The following ROR2 variants were observed in gnomAD, a reference collection of about 807,000 sequenced individuals.
ROR2 encodes ROR family WNT receptor 2, also known as tyrosine-protein kinase transmembrane receptor ROR2.
Under a neutral mutation model 74.9 loss-of-function variants are expected in ROR2, and 33 were observed. The observed-to-expected ratio is 0.44, with a 90% CI of 0.33 to 0.59. The LOEUF is 0.59. Among genes scored for constraint, ROR2 ranks in the 20% least tolerant of loss-of-function variants. The pLI, the probability that ROR2 is intolerant of heterozygous loss-of-function variation, is 0.02. For synonymous variants in ROR2, 586 were observed against 558.7 expected, an observed-to-expected ratio of 1.05 and a Z score of -0.69; for missense variants, 1,216 against 1,313.8, an observed-to-expected ratio of 0.93 and a Z score of 1.15.
At chr9:91,908,714 T>C (rs897677533) in intron 1 of ROR2, among the ~76,000 whole-genome samples, 3 of 151,674 alleles carry the variant, frequency 2.0e-5, no homozygotes, top group African/African-American at 7.2e-5. Context: ...ATTAATAACA[T>C]ATTTAAAAGA....
Position 91,733,313 on chromosome 9 carries a change from C to A in ROR2, c.746G>T (p.Arg249Leu). The stretch of plus-strand genomic sequence containing the variant: ...CTCGCACTCGTCGCGGCACAGCTCA[C>A]GCGGCTTGGGTGTCCGGGAGCGCGC... ...CDARSRTPKP[R>L]ELCRDECEVL... Residue 249 changes from arginine to leucine, a missense_variant, in exon 6 of 9, where the codon CGT (arginine) becomes CTT (leucine). Arg to Leu is a moderately radical substitution (Grantham distance 102). Transcript: ENST00000375708. The surrounding 1 kb of genome is among the most constrained non-coding windows in gnomAD (Gnocchi z 5.7). The A allele has an allele frequency of 1.2e-6, 2 of 1,612,788 alleles. No individual in the cohort carries two copies. Among genetic ancestry groups the A allele is most frequent in the Non-Finnish European group, 8.5e-7 (1 of 1,179,736 alleles).
chr9:91,808,805 AT>A (rs1000536531), intron 1 of ROR2, among the ~76,000 whole-genome samples: 37 of 142,698 alleles, frequency 2.6e-4, no homozygotes, highest in East Asian at 1.2e-3. Context: ...AAATATACAT[AT>A]TTTTTTTTAC....
chr9:91,740,561 G>T (rs1022321534), intron 4 of ROR2, among the ~76,000 whole-genome samples: 1 of 145,022 alleles, frequency 6.9e-6, no homozygotes, highest in Non-Finnish European at 1.5e-5. Context: ...CGGGCGGGGG[G>T]GGGAATATAT....
intron 7 of ROR2, 126 bp from the exon 8 acceptor site, chr9:91,726,869 A>G (rs947997472): frequency 2.3e-6 from 2 of 862,796 alleles, no homozygotes; most frequent in Admixed American, 4.0e-5. Context: ...CCTAAGTTAC[A>G]CAATGGGGTA....
chr9:91,727,729 A>T (rs928991970), intron 7 of ROR2, among the ~76,000 whole-genome samples: 12 of 152,328 alleles, frequency 7.9e-5, no homozygotes, highest in African/African-American at 2.9e-4. Flanking sequence ...TATCAGACTT[A>T]GAGGGCCCCA....
chr9:91,848,764 G>GAAAAAAA (rs36044426), intron 1 of ROR2, among the ~76,000 whole-genome samples: 11 of 103,764 alleles, frequency 1.1e-4, no homozygotes, highest in African/African-American at 2.6e-4. Context: ...CAGGGGGGAA[G>GAAAAAAA]AAAAAAAAAA....
At chr9:91,856,227 G>A (rs564051509) in intron 1 of ROR2, among the ~76,000 whole-genome samples, 2 of 152,242 alleles carry the variant, frequency 1.3e-5, no homozygotes, top group Non-Finnish European at 2.9e-5. Flanking sequence ...ATGGTGGTGT[G>A]TGCCTGTAGT....
At chr9:91,949,195 T>G (rs1832099986) in intron 1 of ROR2, among the ~76,000 whole-genome samples, 1 of 150,762 alleles carries the variant, frequency 6.6e-6, no homozygotes, top group Non-Finnish European at 1.5e-5. Context: ...ACCATTTCAA[T>G]CCAGATCACA....
chr9:91,915,414 C>G (rs1345204832), intron 1 of ROR2, among the ~76,000 whole-genome samples: 1 of 152,100 alleles, frequency 6.6e-6, no homozygotes, highest in African/African-American at 2.4e-5. Context: ...AAGCTGCGGA[C>G]CTTCACAGTG....
intron 1 of ROR2, among the ~76,000 whole-genome samples, chr9:91,847,474 C>G (rs1382952001): frequency 3.3e-5 from 5 of 152,222 alleles, no homozygotes; most frequent in Non-Finnish European, 5.9e-5. Flanking sequence ...TATACTCCCC[C>G]AGAAAGGGCT....
At chr9:91,764,841 T>C (rs747218085) in intron 2 of ROR2, among the ~76,000 whole-genome samples, 4 of 152,168 alleles carry the variant, frequency 2.6e-5, no homozygotes, top group African/African-American at 7.2e-5. Context: ...ACGTGAATGA[T>C]AGTTTCGTTG....
At position 91,733,882 on chromosome 9, in the gene ROR2, G is replaced by A. The variant is rs1397306285; in HGVS notation, c.623-446C>T. 2.0e-5 allele frequency among the ~76,000 whole-genome samples: 3 copies of A among 152,164 alleles called. No individual in the cohort carries two copies. The highest frequency in any genetic ancestry group is 4.4e-5 in the Non-Finnish European group (3 of 68,034). Reference sequence around the variant, plus strand: ...CTTCCCAATGTCCCAGATCTGTCTGGGGAGAAGGCTGTCCCGGAAGAGGGA... The same window carrying A: ...CTTCCCAATGTCCCAGATCTGTCTGAGGAGAAGGCTGTCCCGGAAGAGGGA... On this transcript the variant is annotated intron_variant, in intron 5 of 8. Coordinates refer to ENST00000375708, the MANE Select transcript of ROR2 (RefSeq NM_004560.4). This position sits in a 1 kb window ranked among gnomAD's most constrained non-coding sequence, Gnocchi z 5.7.
chr9:91,930,350 C>G (rs879456143), intron 1 of ROR2, among the ~76,000 whole-genome samples: 2 of 152,220 alleles, frequency 1.3e-5, no homozygotes, highest in African/African-American at 2.4e-5. Flanking sequence ...CTTCTTTCCA[C>G]GCATTTACCC....
intron 5 of ROR2, among the ~76,000 whole-genome samples, chr9:91,734,609 G>A (rs1057302298): frequency 2.6e-5 from 4 of 152,166 alleles, no homozygotes; most frequent in African/African-American, 4.8e-5. Context: ...ACCCAGGAAC[G>A]GGATGGGCAG....
chr9:91,893,806 C>T (rs745945168), intron 1 of ROR2, among the ~76,000 whole-genome samples: 1 of 152,176 alleles, frequency 6.6e-6, no homozygotes, highest in Non-Finnish European at 1.5e-5. Flanking sequence ...CCACACTCTC[C>T]TGCCATTTCG....
intron 1 of ROR2, among the ~76,000 whole-genome samples, chr9:91,892,217 C>T (rs1409249947): frequency 6.6e-6 from 1 of 152,228 alleles, no homozygotes; most frequent in African/African-American, 2.4e-5. Flanking sequence ...CCACACAACA[C>T]AACCTAGTGA....
intron 1 of ROR2, among the ~76,000 whole-genome samples, chr9:91,922,440 T>C (rs923215219): frequency 6.6e-6 from 1 of 151,966 alleles, no homozygotes; most frequent in African/African-American, 2.4e-5. Flanking sequence ...AATGTTGTTC[T>C]ACTTAAATAA....
chr9:91,747,581 C>T (rs146914366), intron 4 of ROR2, among the ~76,000 whole-genome samples: 8 of 152,202 alleles, frequency 5.3e-5, no homozygotes, highest in Admixed American at 6.5e-5. Flanking sequence ...TGAAAGAATG[C>T]GAACTGTTGT....
chr9:91,883,680 G>GAA (rs1830185349), intron 1 of ROR2, among the ~76,000 whole-genome samples: 1 of 152,134 alleles, frequency 6.6e-6, no homozygotes. Flanking sequence ...AGAGGCCTTG[G>GAA]AATGAGACTC....
Sources: gnomAD v4.1 joint callset for allele counts (sites outside exome capture counted in the v4.1 genomes callset) on GRCh38, gnomAD v4.1.1 for gene constraint, Gnocchi (gnomAD v3.1) non-coding constraint, MANE v1.5 for transcripts, NCBI Gene and HGNC (gene_info 2026-07-23, HGNC 2026-07-21) for gene names.